The following ATPSCKMT variants were observed in gnomAD, a reference collection of about 807,000 sequenced individuals.
ATPSCKMT encodes ATP synthase subunit C lysine N-methyltransferase.
In ATPSCKMT, 24 loss-of-function variants were observed where a neutral mutation model predicts 24.3. The observed-to-expected ratio is 0.99, with a 90% CI of 0.71 to 1.39. The LOEUF (loss-of-function observed/expected upper bound fraction) is 1.39, where lower values mean the gene tolerates loss of function less well. ATPSCKMT is among the 40% of genes most tolerant of loss of function. ATPSCKMT has a pLI of 0.00. For synonymous variants in ATPSCKMT, 95 were observed against 110.5 expected (o/e 0.86, Z 0.88); for missense variants, 311 against 298.4 (o/e 1.04, Z -0.31).
In ATPSCKMT at chr5:10,227,286, T is replaced by C. The variant is rs1743921870; in HGVS notation, c.*155A>G. The C allele has an allele frequency of 7.8e-6, 6 of 774,190 alleles. No individual in the cohort carries two copies. Among genetic ancestry groups the C allele is most frequent in the African/African-American group, 1.8e-5 (1 of 56,926 alleles). The allele number at this position is 774,190 out of a possible 1,614,324, so 48.0% of individuals were successfully genotyped here. A position where few individuals can be genotyped will look rare whatever the true frequency, so the allele number is the denominator to read the frequency against. On this transcript the variant is annotated 3_prime_UTR_variant, in exon 5 of 5. Coordinates refer to ENST00000511437, the MANE Select transcript of ATPSCKMT (RefSeq NM_199133.4). ...AAAGCAGATTTTAAATCTACCTGTT[T>C]TTCTTCGTTTGTTTTCTCCAACAGT...
At chr5:10,236,929 T>C (rs924728372) in intron 2 of ATPSCKMT, 4 of 1,348,298 alleles carry the variant, frequency 3.0e-6, no homozygotes, top group Admixed American at 4.4e-5. Flanking sequence ...GAACAAAACA[T>C]TGCTGAAAAT....
At chr5:10,237,748 A>G (rs1310061772) in intron 2 of ATPSCKMT, among the ~76,000 whole-genome samples, 2 of 132,418 alleles carry the variant, frequency 1.5e-5, no homozygotes, top group African/African-American at 5.1e-5. Context: ...ACAGACTAAT[A>G]TATTTCTTTT....
rs1424853069 is a variant in ATPSCKMT at position 10,227,484 on chromosome 5, C to T, written c.659G>A (p.Arg220Lys). Residue 220 changes from arginine (R) to lysine (K), a missense_variant, in exon 5 of 5, where the codon AGG (arginine) becomes AAG (lysine). Coordinates refer to ENST00000511437, the MANE Select transcript of ATPSCKMT (RefSeq NM_199133.4). ...CTGGAAATGCATCGATGTACAGGGCCTCTTTTCACGGCCTCTAAAAGTGCT... is the reference window on the plus strand; with the variant it reads ...CTGGAAATGCATCGATGTACAGGGCTTCTTTTCACGGCCTCTAAAAGTGCT... ...DASTFRGREK[R>K]PCTSMHFQLP... 1 of 1,614,184 alleles carries T rather than the reference C, an allele frequency of 6.2e-7. No individual in the cohort carries two copies. The highest frequency in any genetic ancestry group is 1.7e-5 in the Admixed American group (1 of 60,026).
chr5:10,236,456 G>T, intron 3 of ATPSCKMT, 22 bp downstream of exon 3: 1 of 1,608,358 alleles, frequency 6.2e-7, no homozygotes, highest in South Asian at 1.1e-5. Flanking sequence ...ATTTCTCTAG[G>T]GCCATTCTCT....
Position 10,227,627 on chromosome 5 carries a change from T to A in ATPSCKMT, c.516A>T (p.Lys172Asn). Reference sequence around the variant, plus strand: ...CATCATCCTCAAGTTCACGTTCAAGTTTCTTCTCCAACTGCAGCATCTGTG... The same window carrying A: ...CATCATCCTCAAGTTCACGTTCAAGATTCTTCTCCAACTGCAGCATCTGTG... The part of the protein sequence containing the change: ...VPQMMLQLEK[K>N]LERELEDDAR... Residue 172 changes from lysine to asparagine, a missense_variant, in exon 5 of 5, where the codon AAA becomes AAT. By Grantham distance (94) the Lys-to-Asn change is moderately conservative. Transcript: ENST00000511437. 6.2e-7 allele frequency: 1 copy of A among 1,614,182 alleles called. No individual in the cohort carries two copies. The highest frequency in any genetic ancestry group is 8.5e-7 in the Non-Finnish European group (1 of 1,180,038).
chr5:10,246,319 A>G (rs1744924334), intron 1 of ATPSCKMT, among the ~76,000 whole-genome samples: 1 of 152,104 alleles, frequency 6.6e-6, no homozygotes, highest in Admixed American at 6.5e-5. Context: ...CTGTAATCCC[A>G]GCTACTTGGG....
intron 1 of ATPSCKMT, among the ~76,000 whole-genome samples, chr5:10,245,007 G>A (rs1487997288): frequency 1.3e-5 from 2 of 152,142 alleles, no homozygotes; most frequent in African/African-American, 2.4e-5. Context: ...CAGTACAGCA[G>A]TTAAGAGGAT....
chr5:10,236,883 T>A (rs1744399392), intron 2 of ATPSCKMT: 3 of 1,424,218 alleles, frequency 2.1e-6, no homozygotes, highest in Non-Finnish European at 2.8e-6. Flanking sequence ...AACACCTCCA[T>A]AATTGATTCT....
At position 10,226,135 on chromosome 5, in the gene ATPSCKMT, C is replaced by G. The variant is rs1349702375; in HGVS notation, c.*1306G>C. ...TCACACTGTTTACTTCAGAGAACTC[C>G]ACACACACTAAGATTCCCTTGCTTA... On this transcript the variant is annotated 3_prime_UTR_variant, in exon 5 of 5. Transcript: ENST00000511437. Among the ~76,000 whole-genome samples the G allele has an allele frequency of 6.6e-6, 1 of 152,206 alleles. No homozygotes were observed. The highest frequency in any genetic ancestry group is 1.5e-5 in the Non-Finnish European group (1 of 68,044).
At chr5:10,245,561 C>T (rs1744878409) in intron 1 of ATPSCKMT, among the ~76,000 whole-genome samples, 1 of 151,876 alleles carries the variant, frequency 6.6e-6, no homozygotes, top group Non-Finnish European at 1.5e-5. Context: ...GCCTGGGCAA[C>T]ATGTCAATAC....
At chr5:10,237,099 C>T in intron 2 of ATPSCKMT, 2 of 1,107,058 alleles carry the variant, frequency 1.8e-6, no homozygotes, top group African/African-American at 3.2e-5. Flanking sequence ...TGACTGTTTA[C>T]TCAAAACTGA....
At chr5:10,231,814 C>A (rs558130222) in intron 4 of ATPSCKMT, among the ~76,000 whole-genome samples, 3 of 152,282 alleles carry the variant, frequency 2.0e-5, no homozygotes, top group Admixed American at 2.0e-4. Flanking sequence ...ATAGTGGCCA[C>A]ACTTGTCAAA....
chr5:10,248,467 T>C (rs1561037528), intron 1 of ATPSCKMT: 2 of 152,248 alleles, frequency 1.3e-5, no homozygotes, highest in Non-Finnish European at 2.9e-5. Flanking sequence ...ATCTAAAATG[T>C]CCTTGAAGAA....
At chr5:10,239,793 C>T (rs1329288671) in intron 1 of ATPSCKMT, among the ~76,000 whole-genome samples, 1 of 152,090 alleles carries the variant, frequency 6.6e-6, no homozygotes, top group African/African-American at 2.4e-5. Flanking sequence ...TTAAAGGATT[C>T]CACATCAAAT....
chr5:10,241,304 C>T (rs745810425), intron 1 of ATPSCKMT, among the ~76,000 whole-genome samples: 1 of 152,334 alleles, frequency 6.6e-6, no homozygotes, highest in East Asian at 1.9e-4. Context: ...CCACTGATTA[C>T]ATCTGTACAG....
At position 10,226,220 on chromosome 5, in the gene ATPSCKMT, A is replaced by G. The variant is rs1743870701; in HGVS notation, c.*1221T>C. On this transcript the variant is annotated 3_prime_UTR_variant, in exon 5 of 5. Coordinates refer to ENST00000511437, the MANE Select transcript of ATPSCKMT (RefSeq NM_199133.4). Reference sequence around the variant, plus strand: ...ATGAGGCCAGGGGCTTTGCATGTCTATTTACCGCAGAATCTCAGAGCTTCT... The same window carrying G: ...ATGAGGCCAGGGGCTTTGCATGTCTGTTTACCGCAGAATCTCAGAGCTTCT... 1 of 152,198 alleles carries G rather than the reference A, an allele frequency of 6.6e-6. No homozygotes were observed. The highest frequency in any genetic ancestry group is 2.4e-5 in the African/African-American group (1 of 41,434). The allele number at this position is 152,198 out of a possible 1,614,324, so 9.4% of individuals were successfully genotyped here.
intron 1 of ATPSCKMT, among the ~76,000 whole-genome samples, chr5:10,247,116 T>C (rs1479757070): frequency 6.6e-6 from 1 of 152,220 alleles, no homozygotes; most frequent in Middle Eastern, 3.2e-3. Flanking sequence ...GTCACCATAA[T>C]ATTTGTGTTT....
intron 1 of ATPSCKMT, among the ~76,000 whole-genome samples, chr5:10,247,361 G>A (rs925366461): frequency 5.3e-5 from 8 of 152,034 alleles, no homozygotes; most frequent in African/African-American, 1.7e-4. Context: ...TCCTTTTTGC[G>A]ATGGGGTCTC....
rs2126408859 is a variant in ATPSCKMT at position 10,226,128 on chromosome 5, A to G, written c.*1313T>C. On this transcript the variant is annotated 3_prime_UTR_variant, in exon 5 of 5. Transcript: ENST00000511437. ...TACACCATCACACTGTTTACTTCAG[A>G]GAACTCCACACACACTAAGATTCCC... 6.6e-6 allele frequency among the ~76,000 whole-genome samples: 1 copy of G among 152,346 alleles called. No individual in the cohort carries two copies. The highest frequency in any genetic ancestry group is 1.5e-5 in the Non-Finnish European group (1 of 68,036).
Sources: gnomAD v4.1 joint callset for allele counts (sites outside exome capture counted in the v4.1 genomes callset) on GRCh38, gnomAD v4.1.1 for gene constraint, MANE v1.5 for transcripts, NCBI Gene and HGNC (gene_info 2026-07-23, HGNC 2026-07-21) for gene names.